The following NOD1 variants were observed in gnomAD, a reference collection of about 807,000 sequenced individuals.
The protein encoded by NOD1 is nucleotide binding oligomerization domain containing 1.
Under a neutral mutation model 81.2 loss-of-function variants are expected in NOD1, and 70 were observed. The ratio of observed to expected loss-of-function variants is 0.86; its 90% confidence interval spans 0.71 to 1.05. The LOEUF (loss-of-function observed/expected upper bound fraction) is 1.05. NOD1 is among the 50% of genes least tolerant of loss of function. The pLI, the probability that NOD1 is intolerant of heterozygous loss-of-function variation, is 0.00. For missense variants in NOD1, 1,233 were observed against 1,228.0 expected (o/e 1.00, Z -0.06); for synonymous variants, 508 against 526.9 (o/e 0.96, Z 0.49).
intron 13 of NOD1, 147 bp from the exon 14 acceptor site, chr7:30,425,857 A>G (rs1783405208): frequency 1.5e-6 from 1 of 682,062 alleles, no homozygotes. Flanking sequence ...CTTTGCAGAT[A>G]GTTCCTTCAT....
chr7:30,476,293 C>A lies in NOD1; in HGVS notation c.-352+2313G>T, dbSNP rs150342925. Among the ~76,000 whole-genome samples the A allele has an allele frequency of 2.1e-3, 323 of 152,276 alleles. 2 individuals carry two copies. Among genetic ancestry groups the A allele is most frequent in the African/African-American group, 7.5e-3 (312 of 41,564 alleles). On this transcript the variant is annotated intron_variant, in intron 1 of 13. Coordinates refer to ENST00000222823, the MANE Select transcript of NOD1 (RefSeq NM_006092.4). The stretch of plus-strand genomic sequence containing the variant: ...CTAGAAAAACACTTGATCTTTATGC[C>A]TATATTACTTACTGTTTCTATTTCT...
chr7:30,465,535 T>C (rs749674534), intron 1 of NOD1, among the ~76,000 whole-genome samples: 1 of 152,240 alleles, frequency 6.6e-6, no homozygotes, highest in Non-Finnish European at 1.5e-5. Flanking sequence ...CTAGACTCCA[T>C]CCCAACTGAT....
At chr7:30,472,256 C>A (rs576669951) in intron 1 of NOD1, among the ~76,000 whole-genome samples, 2 of 152,276 alleles carry the variant, frequency 1.3e-5, no homozygotes, top group African/African-American at 4.8e-5. Flanking sequence ...AGCTCTGTAC[C>A]CTCCTGGGCT....
At chr7:30,446,045 G>T in intron 9 of NOD1, 96 bp downstream of exon 9, 1 of 915,080 alleles carries the variant, frequency 1.1e-6, no homozygotes. Flanking sequence ...AGCCCCAGTG[G>T]TCCTTCTGGT....
In NOD1 at chr7:30,425,525, T is replaced by C; in HGVS notation, c.*113A>G. On this transcript the variant is annotated 3_prime_UTR_variant, in exon 14 of 14. Coordinates refer to ENST00000222823, the MANE Select transcript of NOD1 (RefSeq NM_006092.4). ...TTGCATCATGGAGGCAGTGGACTCC[T>C]GATAGTCCCGCCTGCGCAGGCCCCT... 1 of 789,728 alleles carries C rather than the reference T, an allele frequency of 1.3e-6. No homozygotes were observed. The highest frequency in any genetic ancestry group is 1.5e-5 in the South Asian group (1 of 68,496). 48.9% of individuals were successfully genotyped at this position (789,728 alleles called of 1,614,324 possible). A position where few individuals can be genotyped will look rare whatever the true frequency, so the allele number is the denominator to read the frequency against.
At chr7:30,471,252 C>A (rs1273639493) in intron 1 of NOD1, among the ~76,000 whole-genome samples, 1 of 152,132 alleles carries the variant, frequency 6.6e-6, no homozygotes, top group African/African-American at 2.4e-5. Flanking sequence ...AGAGCCATAA[C>A]CCCTAAAGCA....
intron 3 of NOD1, among the ~76,000 whole-genome samples, chr7:30,458,631 A>T (rs886541982): frequency 2.2e-4 from 33 of 152,332 alleles, no homozygotes; most frequent in African/African-American, 7.7e-4. Context: ...AGTAAAATTT[A>T]AAATTATCAG....
intron 1 of NOD1, chr7:30,460,466 T>A: frequency 1.0e-6 from 1 of 985,294 alleles, no homozygotes; most frequent in Non-Finnish European, 1.2e-6. Context: ...CTCTCCTGGG[T>A]GGAGCTTTCC....
rs1395386500 is a variant in NOD1 at position 30,451,783 on chromosome 7, TG to T, written c.1633del (p.Gln545ArgfsTer69). 2.5e-6 allele frequency: 4 copies of T among 1,613,430 alleles called. No homozygotes were observed. Among genetic ancestry groups the T allele is most frequent in the Non-Finnish European group, 3.4e-6 (4 of 1,179,872 alleles). ...TGCCCCCGCAGGGGGCATCCACTCC[TG>T]GAAGAACCTGAGCAGCTCCTGAGTG... Reference protein sequence around the residue: ...VGTQELLRFFQEWMPPAGAAT... With the variant: ...VGTQELLRFFXEWMPPAGAAT... On this transcript the variant is annotated frameshift_variant, in exon 6 of 14. Transcript: ENST00000222823. LOFTEE classifies it high-confidence loss of function. The surrounding 1 kb of genome is among the most constrained non-coding windows in gnomAD (Gnocchi z 4.2).
At chr7:30,448,491 T>C in intron 6 of NOD1, 110 bp from the exon 7 acceptor site, 2 of 905,892 alleles carry the variant, frequency 2.2e-6, no homozygotes, top group Non-Finnish European at 3.6e-6. Context: ...TTCTCAGGTA[T>C]AGACGCCCCT....
intron 13 of NOD1, among the ~76,000 whole-genome samples, chr7:30,426,797 C>G (rs753478405): frequency 6.6e-6 from 1 of 152,112 alleles, no homozygotes; most frequent in Non-Finnish European, 1.5e-5. Context: ...ACACCACACT[C>G]CCTCCTGCCC....
chr7:30,469,445 C>A (rs1179914232), intron 1 of NOD1, among the ~76,000 whole-genome samples: 1 of 152,152 alleles, frequency 6.6e-6, no homozygotes, highest in Non-Finnish European at 1.5e-5. Context: ...GTCTCTCATA[C>A]AAAGTACCTT....
chr7:30,425,704 AT>A lies in NOD1; in HGVS notation c.2795del (p.Asn932MetfsTer4). 6.2e-7 allele frequency: 1 copy of A among 1,612,610 alleles called. No individual in the cohort carries two copies. The highest frequency in any genetic ancestry group is 8.5e-7 in the Non-Finnish European group (1 of 1,178,578). ...SNTGITEICLNGNLIKPEEAK... is the reference protein window; with the variant it reads ...SNTGITEICLXGNLIKPEEAK... ...CCTCCTCTGGTTTTATCAGGTTTCC[AT>A]TTAGGCTGTTGAAAAGGAGGAAGAC... On this transcript the variant is annotated frameshift_variant, in exon 14 of 14. Transcript: ENST00000222823. LOFTEE classifies it high-confidence loss of function.
Position 30,452,318 on chromosome 7 carries a change from C to T in NOD1, c.1099G>A (p.Glu367Lys), listed in dbSNP as rs201359060. ...LRAYARRMFPERALQDRLLSQ... is the reference protein window; with the variant it reads ...LRAYARRMFPKRALQDRLLSQ... ...AGCAGGCGGTCCTGCAGGGCCCGCT[C>T]GGGGAACATCCTCCTGGCATAGGCG... Residue 367 changes from glutamate (E) to lysine (K), a missense_variant, in exon 6 of 14, where the codon GAG becomes AAG. By Grantham distance (56) the Glu-to-Lys change is moderately conservative. Transcript: ENST00000222823. The T allele has an allele frequency of 7.0e-5, 113 of 1,613,358 alleles. No homozygotes were observed. Among genetic ancestry groups the T allele is most frequent in the East Asian group, 1.1e-4 (5 of 44,878 alleles).
chr7:30,462,335 C>T (rs550216323), intron 1 of NOD1, among the ~76,000 whole-genome samples: 5 of 151,736 alleles, frequency 3.3e-5, no homozygotes, highest in South Asian at 4.2e-4. Flanking sequence ...TCCTTTGACA[C>T]AATATGTGTC....
At chr7:30,450,555 C>G (rs1019450450) in intron 6 of NOD1, among the ~76,000 whole-genome samples, 1 of 152,184 alleles carries the variant, frequency 6.6e-6, no homozygotes, top group Admixed American at 6.5e-5. Flanking sequence ...AGGAAAACAA[C>G]CACGAGTCAG....
chr7:30,475,120 G>A (rs748237608), intron 1 of NOD1, among the ~76,000 whole-genome samples: 9 of 152,162 alleles, frequency 5.9e-5, no homozygotes, highest in Non-Finnish European at 1.3e-4. Flanking sequence ...ATTAGAAAAC[G>A]AATACTCTCC....
intron 13 of NOD1, among the ~76,000 whole-genome samples, chr7:30,428,010 C>A (rs1327635658): frequency 6.6e-6 from 1 of 152,218 alleles, no homozygotes; most frequent in African/African-American, 2.4e-5. Flanking sequence ...GGCTGGGCTT[C>A]GCAGGCACAC....
chr7:30,457,616 C>T (rs1786519846), intron 3 of NOD1, among the ~76,000 whole-genome samples: 1 of 152,004 alleles, frequency 6.6e-6, no homozygotes, highest in Non-Finnish European at 1.5e-5. Flanking sequence ...GTGCTTTGAT[C>T]CTATACTGGG....
Sources: allele counts gnomAD v4.1 joint callset (sites outside exome capture counted in the v4.1 genomes callset), GRCh38; gene constraint gnomAD v4.1.1; non-coding constraint Gnocchi (gnomAD v3.1); transcripts MANE v1.5; gene names NCBI Gene and HGNC (gene_info 2026-07-23, HGNC 2026-07-21).